The following ZNF845 variants were observed in gnomAD, a reference collection of about 807,000 sequenced individuals.
The protein encoded by ZNF845 is zinc finger protein 845.
In ZNF845, 59 loss-of-function variants were observed where a neutral mutation model predicts 76.1. The observed-to-expected ratio is 0.78, with a 90% CI of 0.63 to 0.96. The LOEUF is 0.96. ZNF845 is among the 40% of genes least tolerant of loss of function. The pLI, the probability that ZNF845 is intolerant of heterozygous loss-of-function variation, is 0.00. For missense variants in ZNF845, 1,045 were observed against 1,172.8 expected (o/e 0.89, Z 1.59); for synonymous variants, 361 against 386.9 (o/e 0.93, Z 0.78).
chr19:53,334,725 A>ACCC lies in ZNF845; in HGVS notation c.-74+942_-74+944dup, dbSNP rs59524169. The stretch of plus-strand genomic sequence containing the variant: ...AGACCGGCCTGGGCAAAATAGTGAG[A>ACCC]CCCCCCCCCCCATCTCTGTCAAAAA... On this transcript the variant is annotated intron_variant, in intron 1 of 3. Transcript: ENST00000458035. Among the ~76,000 whole-genome samples, 6 of 137,638 alleles carry ACCC rather than the reference A, an allele frequency of 4.4e-5. No individual in the cohort carries two copies. In the East Asian group the frequency reaches 9.1e-4, roughly 21 times the overall value. The allele number at this position is 137,638 out of a possible 152,430, so 90.3% of individuals were successfully genotyped here.
At position 53,352,925 on chromosome 19, in the gene ZNF845, A is replaced by C; in HGVS notation, c.2250A>C (p.Glu750Asp). Residue 750 changes from glutamate (E) to aspartate (D), a missense_variant, in exon 4 of 4, where the codon GAA (glutamate) becomes GAC (aspartate). Glu to Asp is a conservative substitution (Grantham distance 45, BLOSUM62 2). Coordinates refer to ENST00000458035, the MANE Select transcript of ZNF845 (RefSeq NM_138374.3). ...CTGGAGAGAAACCTTACAAATGTGA[A>C]GAATGTGACAAAGTTTTCAGTCGCA... ...LHTGEKPYKC[E>D]ECDKVFSRKS... 6.2e-7 allele frequency: 1 copy of C among 1,613,406 alleles called. No homozygotes were observed. Among genetic ancestry groups the C allele is most frequent in the Non-Finnish European group, 8.5e-7 (1 of 1,179,826 alleles).
chr19:53,345,209 A>G (rs1049100657), intron 2 of ZNF845, among the ~76,000 whole-genome samples: 2 of 152,184 alleles, frequency 1.3e-5, no homozygotes, highest in East Asian at 3.9e-4. Flanking sequence ...CCAGCTACTC[A>G]TGAGGCTGAG....
chr19:53,343,601 T>C (rs2085272717), intron 2 of ZNF845, among the ~76,000 whole-genome samples: 1 of 152,134 alleles, frequency 6.6e-6, no homozygotes, highest in Admixed American at 6.5e-5. Flanking sequence ...TTTCTATATA[T>C]GCACACCCAC....
rs370657627 is a variant in ZNF845, at chr19:53,352,109, G to A, written c.1434G>A (p.Gln478=). Residue 478 remains glutamine (Q), a synonymous_variant, in exon 4 of 4, where the codon CAG becomes CAA. Coordinates refer to ENST00000458035, the MANE Select transcript of ZNF845 (RefSeq NM_138374.3). ...ATGATTGTGGCAAGACCTTCAGTCA[G>A]ACATCATCCCTTGTATACCATCGTA... is the stretch of plus-strand genomic sequence containing the variant. ...KCNDCGKTFS[Q]TSSLVYHRRL... 6 of 1,613,544 alleles carry A rather than the reference G, an allele frequency of 3.7e-6. No homozygotes were observed. In the Admixed American group the frequency reaches 1.0e-4, roughly 27 times the overall value.
chr19:53,352,968 C>A lies in ZNF845; in HGVS notation c.2293C>A (p.His765Asn), dbSNP rs766078928. 2 of 1,613,978 alleles carry A rather than the reference C, an allele frequency of 1.2e-6. No individual in the cohort carries two copies. Among genetic ancestry groups the A allele is most frequent in the African/African-American group, 2.7e-5 (2 of 74,926 alleles). ...CAGTCGCAAATCAAGCCTTGAAAAA[C>A]ACAGGAGAATTCATACTGGAGAGAA... ...VFSRKSSLEK[H>N]RRIHTGEKPY... The change falls in exon 4 of 4, where the codon CAC becomes AAC. Residue 765 changes from histidine to asparagine, a missense_variant. By Grantham distance (68) the His-to-Asn change is moderately conservative. Coordinates refer to ENST00000458035, the MANE Select transcript of ZNF845 (RefSeq NM_138374.3).
intron 2 of ZNF845, among the ~76,000 whole-genome samples, chr19:53,342,553 C>T (rs2085263934): frequency 6.6e-6 from 1 of 152,224 alleles, no homozygotes; most frequent in Admixed American, 6.5e-5. Flanking sequence ...ACGTCCTCCA[C>T]CCTCCTTCCA....
At chr19:53,341,200 T>C in intron 1 of ZNF845, 35 bp from the exon 2 acceptor site, 1 of 1,511,648 alleles carries the variant, frequency 6.6e-7, no homozygotes, top group Non-Finnish European at 9.1e-7. Context: ...GGTGTGTTGA[T>C]TCTGAGCAAT....
chr19:53,337,418 C>T (rs767230614), intron 1 of ZNF845, among the ~76,000 whole-genome samples: 9 of 152,044 alleles, frequency 5.9e-5, no homozygotes, highest in Admixed American at 3.9e-4. Flanking sequence ...CTCACTCTAC[C>T]GTCCAGGCTG....
In ZNF845 at chr19:53,353,176, A is replaced by T. The variant is rs746094409; in HGVS notation, c.2501A>T (p.Asn834Ile). 103 of 1,612,996 alleles carry T rather than the reference A, an allele frequency of 6.4e-5. 4 individuals carry two copies. In the South Asian group the frequency reaches 1.1e-3, roughly 17 times the overall value. ...IHSGEKPYKC[N>I]ECGKTFRHNS... is the part of the protein sequence containing the mutation. ...AGTGGAGAGAAACCTTACAAGTGTA[A>T]TGAGTGTGGCAAGACCTTCCGTCAC... The change falls in exon 4 of 4, where the codon AAT becomes ATT. Residue 834 changes from asparagine (N) to isoleucine (I), a missense_variant. By Grantham distance (149) the Asn-to-Ile change is moderately radical (BLOSUM62 -3). Coordinates refer to ENST00000458035, the MANE Select transcript of ZNF845 (RefSeq NM_138374.3).
Position 53,350,910 on chromosome 19 carries a change from C to A in ZNF845, c.235C>A (p.Arg79Ser), listed in dbSNP as rs745925433. ...CACAGGGACATTGCAAAGACATGAA[C>A]GTCATCACATTGGAGATTTTTGCTT... Reference protein sequence around the residue: ...IHTGTLQRHERHHIGDFCFQE... With the variant: ...IHTGTLQRHESHHIGDFCFQE... The change falls in exon 4 of 4, where the codon CGT becomes AGT. Residue 79 changes from arginine (R) to serine (S), a missense_variant. Arg to Ser is a moderately radical substitution (Grantham distance 110). Transcript: ENST00000458035. 16 of 1,614,076 alleles carry A rather than the reference C, an allele frequency of 9.9e-6. No homozygotes were observed. The highest frequency in any genetic ancestry group is 1.4e-5 in the Non-Finnish European group (16 of 1,180,032).
At chr19:53,348,465 C>A (rs2085311508) in intron 3 of ZNF845, among the ~76,000 whole-genome samples, 1 of 152,082 alleles carries the variant, frequency 6.6e-6, no homozygotes, top group Non-Finnish European at 1.5e-5. Flanking sequence ...AGGAAACGAG[C>A]TCTTTAATAT....
chr19:53,334,725 AC>A (rs59524169), intron 1 of ZNF845, among the ~76,000 whole-genome samples: 3,305 of 137,572 alleles, frequency 0.024, 55 homozygotes, highest in South Asian at 0.041. Context: ...AAATAGTGAG[AC>A]CCCCCCCCCC....
At chr19:53,335,484 A>G (rs918641682) in intron 1 of ZNF845, among the ~76,000 whole-genome samples, 7 of 151,992 alleles carry the variant, frequency 4.6e-5, no homozygotes, top group African/African-American at 1.7e-4. Context: ...GCTGGTCTCA[A>G]TTCTGGCCTC....
chr19:53,355,435 T>C lies in ZNF845; in HGVS notation c.*1847T>C, dbSNP rs533467688. 2.6e-5 allele frequency: 4 copies of C among 151,928 alleles called. No individual in the cohort carries two copies. Among genetic ancestry groups the C allele is most frequent in the African/African-American group, 9.6e-5 (4 of 41,454 alleles). 9.4% of individuals were successfully genotyped at this position (151,928 alleles called of 1,614,324 possible). ...AATTTATTTATTTTTTTTATTTTAG[T>C]AAAGACGGGGTTTCACCATGTTGGC... On this transcript the variant is annotated 3_prime_UTR_variant, in exon 4 of 4. Coordinates refer to ENST00000458035, the MANE Select transcript of ZNF845 (RefSeq NM_138374.3).
At chr19:53,340,855 A>G (rs1195979393) in intron 1 of ZNF845, 2 of 368,672 alleles carry the variant, frequency 5.4e-6, no homozygotes, top group Non-Finnish European at 9.7e-6. Flanking sequence ...TCCTGGGCCG[A>G]GGTTGCTCCT....
chr19:53,348,428 G>A (rs936559911), intron 3 of ZNF845, among the ~76,000 whole-genome samples: 1 of 152,092 alleles, frequency 6.6e-6, no homozygotes. Context: ...TCTTCCTGCT[G>A]TGTCCTGACA....
intron 1 of ZNF845, among the ~76,000 whole-genome samples, chr19:53,335,970 G>A (rs898743882): frequency 2.0e-5 from 3 of 147,426 alleles, no homozygotes; most frequent in African/African-American, 5.0e-5. Context: ...TTTGGGAGGC[G>A]GAGGCAGGTG....
chr19:53,344,436 A>C (rs2085278822), intron 2 of ZNF845, among the ~76,000 whole-genome samples: 2 of 151,916 alleles, frequency 1.3e-5, no homozygotes, highest in Admixed American at 6.6e-5. Context: ...TCCTCAGGAG[A>C]CTGAGGCAGG....
intron 1 of ZNF845, among the ~76,000 whole-genome samples, chr19:53,340,662 T>G (rs148177430): frequency 1.3e-5 from 2 of 152,284 alleles, no homozygotes; most frequent in East Asian, 3.9e-4. Flanking sequence ...AAAGAAAAAA[T>G]TACATGTTTA....
Sources: allele counts gnomAD v4.1 joint callset (sites outside exome capture counted in the v4.1 genomes callset), GRCh38; gene constraint gnomAD v4.1.1; transcripts MANE v1.5; gene names NCBI Gene and HGNC (gene_info 2026-07-23, HGNC 2026-07-21).